Variants in METTL8 observed in about 807,000 individuals in gnomAD.
METTL8 encodes the protein methyltransferase 8, tRNA N3-cytidine.
Under a neutral mutation model 48.7 loss-of-function variants are expected in METTL8, and 32 were observed. The ratio of observed to expected loss-of-function variants is 0.66; its 90% CI spans 0.50 to 0.88. The LOEUF (loss-of-function observed/expected upper bound fraction) is 0.88. Ranked by LOEUF, METTL8 falls within the 40% of genes least tolerant of loss-of-function variation. The pLI, the probability that METTL8 is intolerant of heterozygous loss-of-function variation, is 0.00. For synonymous variants in METTL8, 136 were observed against 157.1 expected, an observed-to-expected ratio of 0.87 and a Z score of 1.01; for missense variants, 464 against 474.4, an observed-to-expected ratio of 0.98 and a Z score of 0.20.
intron 2 of METTL8, among the ~76,000 whole-genome samples, chr2:171,366,921 A>C (rs1396830698): frequency 6.6e-6 from 1 of 151,586 alleles, no homozygotes; most frequent in Admixed American, 6.6e-5. Context: ...GGGAGGGTTA[A>C]CAGCTGACAG....
chr2:171,330,428 CTGTG>C, intron 7 of METTL8, 127 bp downstream of exon 7: 1 of 784,702 alleles, frequency 1.3e-6, no homozygotes, highest in South Asian at 2.1e-5. Context: ...CTTTAAAAGG[CTGTG>C]TATTATACAT....
chr2:171,331,903 G>A, intron 5 of METTL8, 36 bp from the exon 6 acceptor site: 1 of 1,485,822 alleles, frequency 6.7e-7, no homozygotes, highest in Non-Finnish European at 9.2e-7. Flanking sequence ...TTATTTTTTT[G>A]GAGACAGGGT....
intron 2 of METTL8, among the ~76,000 whole-genome samples, chr2:171,363,792 T>TTATATATATATATATATATATATGTA (rs200347847): frequency 2.1e-5 from 2 of 97,434 alleles, no homozygotes; most frequent in African/African-American, 4.1e-5. Context: ...TCCCCAAATT[T>TTATATATATATATATATATATATGTA]TATATATATA....
At chr2:171,428,220 T>C (rs1180018410) in intron 1 of METTL8, among the ~76,000 whole-genome samples, 1 of 152,204 alleles carries the variant, frequency 6.6e-6, no homozygotes, top group African/African-American at 2.4e-5. Flanking sequence ...CATTTTACCT[T>C]CAACAAATGG....
intron 2 of METTL8, among the ~76,000 whole-genome samples, chr2:171,373,316 C>T (rs1410560692): frequency 2.0e-5 from 3 of 152,132 alleles, no homozygotes; most frequent in Admixed American, 6.5e-5. Context: ...CCTTTGCCCA[C>T]TTTTTGATGG....
intron 1 of METTL8, among the ~76,000 whole-genome samples, chr2:171,425,393 A>T (rs927683389): frequency 3.3e-5 from 5 of 152,172 alleles, no homozygotes; most frequent in African/African-American, 1.2e-4. Context: ...ACCTGTGAAA[A>T]TGATGGACAG....
intron 1 of METTL8, among the ~76,000 whole-genome samples, chr2:171,413,144 G>A (rs1034924086): frequency 6.6e-5 from 10 of 152,206 alleles, no homozygotes; most frequent in Non-Finnish European, 1.0e-4. Flanking sequence ...GGATTTTAAT[G>A]TAGCAGAATA....
At chr2:171,354,306 T>C (rs1284378897) in intron 3 of METTL8, among the ~76,000 whole-genome samples, 2 of 152,238 alleles carry the variant, frequency 1.3e-5, no homozygotes, top group Admixed American at 6.5e-5. Context: ...TTCTGACTTG[T>C]AGAGTTTCTG....
rs150877309 is a variant in METTL8, at chr2:171,360,423, T to C, written c.234A>G (p.Gln78=). 3.6e-5 allele frequency: 58 copies of C among 1,613,402 alleles called. No homozygotes were observed. Among genetic ancestry groups the C allele is most frequent in the Middle Eastern group, 1.7e-4 (1 of 6,054 alleles). ...GAGCTACAGCACGCAGTTGACTACC[T>C]TGCTCTTCCAGAAGGACTCGCACAG... ...NSAVRVLLEE[Q]VKYEREASKY... The change falls in exon 3 of 10, where the codon CAA becomes CAG. Residue 78 remains glutamine (Q), a splice_region_variant and synonymous_variant. Coordinates refer to ENST00000375258, the MANE Select transcript of METTL8 (RefSeq NM_001321154.2).
chr2:171,427,448 C>T (rs1365802358), intron 1 of METTL8, among the ~76,000 whole-genome samples: 1 of 152,216 alleles, frequency 6.6e-6, no homozygotes, highest in African/African-American at 2.4e-5. Flanking sequence ...CCATTGCCTA[C>T]AAAGCTTAAC....
chr2:171,409,046 CAAG>C (rs1690474839), intron 1 of METTL8, among the ~76,000 whole-genome samples: 1 of 152,124 alleles, frequency 6.6e-6, no homozygotes, highest in Non-Finnish European at 1.5e-5. Context: ...CCCAACTTTT[CAAG>C]AAGACAAAAG....
intron 2 of METTL8, among the ~76,000 whole-genome samples, chr2:171,365,320 T>A (rs774713219): frequency 1.3e-5 from 2 of 152,170 alleles, no homozygotes; most frequent in Non-Finnish European, 2.9e-5. Context: ...ACTACTTTGC[T>A]CCAGGAAATT....
intron 3 of METTL8, among the ~76,000 whole-genome samples, chr2:171,348,757 G>A (rs1683563736): frequency 6.6e-6 from 1 of 152,034 alleles, no homozygotes. Context: ...ATTGAACTAT[G>A]CGAGAATTCA....
At chr2:171,394,808 T>TAAA (rs1688907217) in intron 1 of METTL8, among the ~76,000 whole-genome samples, 1 of 152,228 alleles carries the variant, frequency 6.6e-6, no homozygotes, top group Admixed American at 6.5e-5. Flanking sequence ...ATTGTTTGAC[T>TAAA]GATTACATAA....
intron 3 of METTL8, among the ~76,000 whole-genome samples, chr2:171,345,576 T>C (rs1319171098): frequency 6.6e-6 from 1 of 152,226 alleles, no homozygotes. Flanking sequence ...ATAACCTAAA[T>C]TTATAAGCAT....
chr2:171,429,214 CGT>C (rs1200072690), intron 1 of METTL8, among the ~76,000 whole-genome samples: 1 of 152,062 alleles, frequency 6.6e-6, no homozygotes, highest in Admixed American at 6.5e-5. Flanking sequence ...TGAATTCACA[CGT>C]GTGTTTAGGA....
chr2:171,406,582 G>C (rs948388934), intron 1 of METTL8, among the ~76,000 whole-genome samples: 2 of 152,148 alleles, frequency 1.3e-5, no homozygotes, highest in Non-Finnish European at 2.9e-5. Context: ...AAGGACACCA[G>C]TTCTATTGAA....
At chr2:171,358,642 T>C (rs1684839188) in intron 3 of METTL8, among the ~76,000 whole-genome samples, 1 of 152,170 alleles carries the variant, frequency 6.6e-6, no homozygotes, top group African/African-American at 2.4e-5. Context: ...TTATTTACTA[T>C]ATATAAAAAT....
chr2:171,384,769 C>T (rs537038789), intron 2 of METTL8, among the ~76,000 whole-genome samples: 3 of 152,126 alleles, frequency 2.0e-5, no homozygotes, highest in African/African-American at 4.8e-5. Flanking sequence ...GAGGTCAAAA[C>T]TGCAATGAGC....
Sources: allele counts gnomAD v4.1 joint callset (sites outside exome capture counted in the v4.1 genomes callset), GRCh38; gene constraint gnomAD v4.1.1; transcripts MANE v1.5; gene names NCBI Gene and HGNC (gene_info 2026-07-23, HGNC 2026-07-21).